Variants in CNNM1 observed in about 807,000 individuals in gnomAD.
The protein encoded by CNNM1 is metal transporter CNNM1.
CNNM1 carries 44 observed loss-of-function variants against 78.8 expected under a neutral mutation model. The ratio of observed to expected loss-of-function variants is 0.56; its 90% CI spans 0.44 to 0.72. The LOEUF is 0.72. CNNM1 is among the 30% of genes least tolerant of loss of function. The pLI is 0.00. For synonymous variants in CNNM1, 584 were observed against 581.5 expected, an observed-to-expected ratio of 1.00 and a Z score of -0.06; for missense variants, 1,101 against 1,292.2, an observed-to-expected ratio of 0.85 and a Z score of 2.27.
At chr10:99,358,791 A>G (rs2031320108) in intron 2 of CNNM1, among the ~76,000 whole-genome samples, 2 of 151,918 alleles carry the variant, frequency 1.3e-5, no homozygotes, top group African/African-American at 4.8e-5. Flanking sequence ...TTGATTTAGA[A>G]TTCTCAGGTG....
intron 1 of CNNM1, among the ~76,000 whole-genome samples, chr10:99,337,003 A>C (rs1038412047): frequency 6.6e-6 from 1 of 152,206 alleles, no homozygotes; most frequent in Non-Finnish European, 1.5e-5. Context: ...CAAATTACTT[A>C]ACTGTTTATG....
chr10:99,344,285 T>A (rs1203608591), intron 1 of CNNM1, among the ~76,000 whole-genome samples: 1 of 136,800 alleles, frequency 7.3e-6, no homozygotes, highest in Non-Finnish European at 1.5e-5. Context: ...TGAGCTGAGA[T>A]CATGCCATTG....
chr10:99,330,305 G>T lies in CNNM1; in HGVS notation c.918G>T (p.Pro306=), dbSNP rs372555911. The change falls in exon 1 of 11, where the codon CCG becomes CCT. Residue 306 remains proline, a synonymous_variant. Transcript: ENST00000356713. ...CTGGCTGGCTGTACACCTCGCTGCC[G>T]CCGGGCTTCGGGGGCACCGGGGAAG... ...ALAGWLYTSL[P]PGFGGTGEDY... The T allele has an allele frequency of 5.0e-6, 8 of 1,588,700 alleles. No homozygotes were observed. The highest frequency in any genetic ancestry group is 6.8e-6 in the Non-Finnish European group (8 of 1,168,246).
At chr10:99,357,681 C>A (rs1440221185) in intron 2 of CNNM1, 26 bp downstream of exon 2, 1 of 1,550,630 alleles carries the variant, frequency 6.4e-7, no homozygotes, top group Middle Eastern at 1.7e-4. Flanking sequence ...TGGCTGTTCT[C>A]CAGGGTCATC....
At chr10:99,375,660 A>AT (rs1434166007) in intron 6 of CNNM1, among the ~76,000 whole-genome samples, 1 of 152,270 alleles carries the variant, frequency 6.6e-6, no homozygotes, top group Non-Finnish European at 1.5e-5. Context: ...TCCATGACTC[A>AT]TTCTAAATAG....
intron 2 of CNNM1, among the ~76,000 whole-genome samples, chr10:99,360,618 C>T (rs2031395733): frequency 6.6e-6 from 1 of 152,140 alleles, no homozygotes; most frequent in Non-Finnish European, 1.5e-5. Context: ...TCCCCTTTTT[C>T]TACTATACAC....
intron 1 of CNNM1, among the ~76,000 whole-genome samples, chr10:99,350,051 G>A (rs867459475): frequency 1.3e-5 from 2 of 152,190 alleles, no homozygotes; most frequent in Middle Eastern, 3.4e-3. Context: ...GCCCCACCCA[G>A]CAAGATCCTG....
intron 1 of CNNM1, among the ~76,000 whole-genome samples, chr10:99,340,876 T>TCCTTCCTTCCTGCCTGCCTGCCTG (rs71009744): frequency 0.025 from 3,451 of 138,180 alleles, 138 homozygotes; most frequent in East Asian, 0.096. Flanking sequence ...CTTCCTTCCT[T>TCCTTCCTTCCTGCCTGCCTGCCTG]CCTGCCTGCC....
rs1306101763 is a variant in CNNM1, at chr10:99,394,311, T to C, written c.*2795T>C. 7.2e-5 allele frequency: 11 copies of C among 152,372 alleles called. No homozygotes were observed. In the East Asian group the frequency reaches 1.2e-3, roughly 16 times the overall value. The allele number at this position is 152,372 out of a possible 1,614,324, so 9.4% of individuals were successfully genotyped here. A position where few individuals can be genotyped will look rare whatever the true frequency, so the allele number is the denominator to read the frequency against. On this transcript the variant is annotated 3_prime_UTR_variant, in exon 11 of 11. Coordinates refer to ENST00000356713, the MANE Select transcript of CNNM1 (RefSeq NM_020348.3). ...AATTGTAAATAATTTTTAAATAAAA[T>C]GAAAATGCCTTTCCTGGAATGTGGC...
intron 8 of CNNM1, 26 bp from the exon 9 acceptor site, chr10:99,388,126 G>A (rs1180400187): frequency 6.2e-6 from 10 of 1,613,178 alleles, no homozygotes; most frequent in Non-Finnish European, 8.5e-6. Context: ...AAAGCAGAGA[G>A]GTGATGCACT....
At position 99,387,976 on chromosome 10, in the gene CNNM1, C is replaced by A; in HGVS notation, c.2497C>A (p.Leu833Ile). The change falls in exon 8 of 11, where the codon CTC becomes ATC. Residue 833 changes from leucine (L) to isoleucine (I), a missense_variant. Around this residue, in one of 3 missense-constraint regions of CNNM1, gnomAD observed 348 missense variants for 384.5 expected, o/e 0.90. Coordinates refer to ENST00000356713, the MANE Select transcript of CNNM1 (RefSeq NM_020348.3). ...QTPKDDPAIT[L>I]LNNRNSLPCS... ...CCCTAAGGATGACCCCGCCATCACG[C>A]TCCTCAACAACAGGAACAGCCTGCC... 6.3e-7 allele frequency: 1 copy of A among 1,597,654 alleles called. No individual in the cohort carries two copies. Among genetic ancestry groups the A allele is most frequent in the Non-Finnish European group, 8.5e-7 (1 of 1,172,236 alleles).
rs905015753 is a variant in CNNM1, at chr10:99,364,314, A to T, written c.2029-103A>T. Reference sequence around the variant, plus strand: ...TCCTCTGTGATAAGAACATGGGTCTAGTCCACTTGTTATCCAAGCAGAAAT... The same window carrying T: ...TCCTCTGTGATAAGAACATGGGTCTTGTCCACTTGTTATCCAAGCAGAAAT... On this transcript the variant is annotated intron_variant, in intron 4 of 10. Coordinates refer to ENST00000356713, the MANE Select transcript of CNNM1 (RefSeq NM_020348.3). 1.4e-5 allele frequency: 11 copies of T among 781,388 alleles called. No homozygotes were observed. The African/African-American group carries it at 1.9e-4, about 14-fold the overall frequency. 48.4% of individuals were successfully genotyped at this position (781,388 alleles called of 1,614,324 possible).
intron 6 of CNNM1, among the ~76,000 whole-genome samples, chr10:99,374,038 G>T (rs987309347): frequency 6.6e-6 from 1 of 152,178 alleles, no homozygotes; most frequent in Admixed American, 6.5e-5. Context: ...AAACATACAC[G>T]TACAGGTATC....
At chr10:99,354,793 G>A (rs1233919243) in intron 1 of CNNM1, among the ~76,000 whole-genome samples, 13 of 152,092 alleles carry the variant, frequency 8.5e-5, no homozygotes, top group Non-Finnish European at 1.3e-4. Context: ...AGTAGGGGAC[G>A]TAGCAGGGCA....
At chr10:99,374,860 A>G (rs959559946) in intron 6 of CNNM1, among the ~76,000 whole-genome samples, 1 of 152,242 alleles carries the variant, frequency 6.6e-6, no homozygotes, top group Non-Finnish European at 1.5e-5. Flanking sequence ...TGAATTAAGT[A>G]GATGTAACAA....
At chr10:99,381,136 T>C (rs948847261) in intron 7 of CNNM1, among the ~76,000 whole-genome samples, 3 of 152,116 alleles carry the variant, frequency 2.0e-5, no homozygotes, top group Admixed American at 6.5e-5. Context: ...TTCAACCAGG[T>C]GCAGCAGCTC....
intron 6 of CNNM1, 163 bp downstream of exon 6, chr10:99,365,165 C>A: frequency 2.7e-6 from 2 of 733,930 alleles, no homozygotes; most frequent in Admixed American, 2.0e-5. Context: ...TGCCAGGTAC[C>A]CACAGACCAT....
At chr10:99,375,057 G>A (rs545238108) in intron 6 of CNNM1, among the ~76,000 whole-genome samples, 2 of 152,212 alleles carry the variant, frequency 1.3e-5, no homozygotes, top group East Asian at 3.9e-4. Context: ...AGGAGGTGGG[G>A]TGGGGAAGGG....
At chr10:99,334,695 C>G (rs2030088944) in intron 1 of CNNM1, among the ~76,000 whole-genome samples, 1 of 152,098 alleles carries the variant, frequency 6.6e-6, no homozygotes, top group African/African-American at 2.4e-5. Flanking sequence ...TAAAGCTGGT[C>G]TTTAATAGCT....
Sources: allele counts gnomAD v4.1 joint callset (sites outside exome capture counted in the v4.1 genomes callset), GRCh38; gene constraint gnomAD v4.1.1; regional missense constraint gnomAD v4.1.1; transcripts MANE v1.5; gene names NCBI Gene and HGNC (gene_info 2026-07-23, HGNC 2026-07-21).